Variants in LRRC20 observed in about 807,000 individuals in gnomAD.
LRRC20 encodes the protein leucine-rich repeat-containing protein 20.
A neutral mutation model predicts 14.4 loss-of-function variants in LRRC20; 11 were observed. The observed-to-expected ratio is 0.77, with a 90% CI of 0.48 to 1.27. LRRC20 has a LOEUF of 1.27. Among genes scored for constraint, LRRC20 ranks in the 50% most tolerant of loss-of-function variants. The pLI is 0.00. For synonymous variants in LRRC20, 121 were observed against 107.3 expected (o/e 1.13, Z -0.79); for missense variants, 219 against 251.2 (o/e 0.87, Z 0.87).
rs1434048578 is a variant in LRRC20 at position 70,341,962 on chromosome 10, G to A, written c.83-1260C>T. On this transcript the variant is annotated intron_variant, in intron 2 of 4. Transcript: ENST00000446961. ...GGAAAGTAGATTAGCCAAGGCTGCA[G>A]GGGATGGAGGGTGGGGGAGTTCTTT... 2.0e-5 allele frequency among the ~76,000 whole-genome samples: 3 copies of A among 152,146 alleles called. No individual in the cohort carries two copies. In the East Asian group the frequency reaches 5.8e-4, roughly 29 times the overall value.
At chr10:70,379,763 G>C (rs1451946090) in intron 1 of LRRC20, among the ~76,000 whole-genome samples, 2 of 152,134 alleles carry the variant, frequency 1.3e-5, no homozygotes, top group African/African-American at 4.8e-5. Context: ...AATTCTACTA[G>C]CTACCACCAG....
chr10:70,346,087 T>A (rs1440717787), intron 2 of LRRC20, among the ~76,000 whole-genome samples: 1 of 152,180 alleles, frequency 6.6e-6, no homozygotes, highest in Non-Finnish European at 1.5e-5. Context: ...ACCCTATCTC[T>A]ACTAAAAATA....
chr10:70,354,130 G>A (rs1843433992), intron 2 of LRRC20, among the ~76,000 whole-genome samples: 1 of 152,156 alleles, frequency 6.6e-6, no homozygotes, highest in Admixed American at 6.5e-5. Context: ...ACAACCAGGA[G>A]CCACCTTGGG....
At chr10:70,334,252 C>T (rs552061027) in intron 3 of LRRC20, among the ~76,000 whole-genome samples, 110 of 152,310 alleles carry the variant, frequency 7.2e-4, no homozygotes, top group African/African-American at 2.5e-3. Flanking sequence ...GCTTCCATGT[C>T]TGCCCTGCTG....
Position 70,301,294 on chromosome 10 carries a change from C to G in LRRC20, c.*60G>C. 6.4e-7 allele frequency: 1 copy of G among 1,558,612 alleles called. No homozygotes were observed. Among genetic ancestry groups the G allele is most frequent in the South Asian group, 1.2e-5 (1 of 84,086 alleles). The stretch of plus-strand genomic sequence containing the variant: ...CTTGGCCTCCCATGGGCCTCCCTCC[C>G]TTCCAGGGTTCCAGGCCTGTGGCCT... On this transcript the variant is annotated 3_prime_UTR_variant, in exon 5 of 5. Transcript: ENST00000446961.
chr10:70,314,590 A>G (rs1841789054), intron 4 of LRRC20, among the ~76,000 whole-genome samples: 1 of 152,176 alleles, frequency 6.6e-6, no homozygotes, highest in Non-Finnish European at 1.5e-5. Flanking sequence ...TCCCACCATC[A>G]GAGACTCTGA....
At chr10:70,370,685 G>A (rs1844232271) in intron 2 of LRRC20, among the ~76,000 whole-genome samples, 1 of 152,160 alleles carries the variant, frequency 6.6e-6, no homozygotes, top group Non-Finnish European at 1.5e-5. Context: ...GGAGGTTACA[G>A]TGAGCCGAGA....
At position 70,301,513 on chromosome 10, in the gene LRRC20, TG is replaced by T; in HGVS notation, c.401-6del. 6.2e-7 allele frequency: 1 copy of T among 1,613,724 alleles called. No individual in the cohort carries two copies. Among genetic ancestry groups the T allele is most frequent in the Non-Finnish European group, 8.5e-7 (1 of 1,179,894 alleles). ...CCAGCTTCTCCACGGGCACATCTAT[TG>T]GGGACAGAATGGACAGGTTAGAGTG... is the stretch of plus-strand genomic sequence containing the variant. On this transcript the variant is annotated splice_region_variant and splice_polypyrimidine_tract_variant and intron_variant, in intron 4 of 4. Coordinates refer to ENST00000446961, the MANE Select transcript of LRRC20 (RefSeq NM_001278212.2).
At chr10:70,377,143 C>T (rs567724597) in intron 1 of LRRC20, among the ~76,000 whole-genome samples, 1 of 152,222 alleles carries the variant, frequency 6.6e-6, no homozygotes, top group Non-Finnish European at 1.5e-5. Flanking sequence ...TCAGAACACA[C>T]GGACTGGCGG....
chr10:70,344,383 A>C (rs1843008232), intron 2 of LRRC20, among the ~76,000 whole-genome samples: 2 of 152,242 alleles, frequency 1.3e-5, no homozygotes, highest in Non-Finnish European at 2.9e-5. Context: ...AAATGGTCTC[A>C]GCAAAGCGGC....
chr10:70,328,495 C>G lies in LRRC20; in HGVS notation c.233-4465G>C, dbSNP rs375321099. 3.3e-5 allele frequency among the ~76,000 whole-genome samples: 5 copies of G among 152,172 alleles called. No individual in the cohort carries two copies. In the East Asian group the frequency reaches 9.7e-4, roughly 29 times the overall value. On this transcript the variant is annotated intron_variant, in intron 3 of 4. Coordinates refer to ENST00000446961, the MANE Select transcript of LRRC20 (RefSeq NM_001278212.2). ...GATTTTTACGAGAGACAGGGTTTTGCCATGTTGGCCAGGCTAGTCTCGAAC... is the reference window on the plus strand; with the variant it reads ...GATTTTTACGAGAGACAGGGTTTTGGCATGTTGGCCAGGCTAGTCTCGAAC...
intron 4 of LRRC20, among the ~76,000 whole-genome samples, chr10:70,310,931 AATC>A (rs1841631579): frequency 6.6e-6 from 1 of 152,192 alleles, no homozygotes; most frequent in Non-Finnish European, 1.5e-5. Flanking sequence ...ACAAAAGTAA[AATC>A]ATCACGTCCC....
intron 1 of LRRC20, among the ~76,000 whole-genome samples, chr10:70,378,039 T>A (rs1161572944): frequency 8.3e-3 from 2 of 240 alleles, no homozygotes; most frequent in Non-Finnish European, 0.018. Context: ...TAGGTTAATA[T>A]GAGGATTGAG....
chr10:70,311,222 A>ATTTTTTTT (rs11314061), intron 4 of LRRC20, among the ~76,000 whole-genome samples: 6 of 86,344 alleles, frequency 6.9e-5, no homozygotes, highest in African/African-American at 2.3e-4. Context: ...TCAACATTCC[A>ATTTTTTTT]TTTTTTTTTT....
intron 1 of LRRC20, among the ~76,000 whole-genome samples, chr10:70,381,219 A>G (rs1230975740): frequency 6.6e-6 from 1 of 152,236 alleles, no homozygotes; most frequent in African/African-American, 2.4e-5. Flanking sequence ...GTGGGAAGTA[A>G]CTGATATGTA....
At chr10:70,378,832 G>C (rs939085682) in intron 1 of LRRC20, among the ~76,000 whole-genome samples, 2 of 150,404 alleles carry the variant, frequency 1.3e-5, no homozygotes, top group Non-Finnish European at 2.9e-5. Flanking sequence ...TGTAATCCCA[G>C]CTACTCAGGA....
chr10:70,321,689 G>T (rs552250483), intron 4 of LRRC20, among the ~76,000 whole-genome samples: 3 of 152,310 alleles, frequency 2.0e-5, no homozygotes, highest in African/African-American at 7.2e-5. Context: ...AGGCCTGGCC[G>T]AGGCCAGGCA....
At chr10:70,326,199 C>T (rs913671746) in intron 3 of LRRC20, among the ~76,000 whole-genome samples, 4 of 151,978 alleles carry the variant, frequency 2.6e-5, no homozygotes, top group African/African-American at 9.7e-5. Context: ...CCTGCTCTTC[C>T]ACAGCCCCAC....
At chr10:70,322,763 G>A (rs374383605) in intron 4 of LRRC20, among the ~76,000 whole-genome samples, 8 of 152,190 alleles carry the variant, frequency 5.3e-5, no homozygotes, top group African/African-American at 1.7e-4. Context: ...TGTGCAACCC[G>A]ATGCACTCTC....
Sources: allele counts gnomAD v4.1 joint callset (sites outside exome capture counted in the v4.1 genomes callset), GRCh38; gene constraint gnomAD v4.1.1; transcripts MANE v1.5; gene names NCBI Gene and HGNC (gene_info 2026-07-23, HGNC 2026-07-21).